The following SLC9C1 variants were observed in gnomAD, a reference collection of about 807,000 sequenced individuals.
SLC9C1 encodes sodium/hydrogen exchanger 10.
In SLC9C1, 97 loss-of-function variants were observed where a neutral mutation model predicts 140.9. The observed-to-expected ratio is 0.69, with a 90% CI of 0.58 to 0.82. The LOEUF (loss-of-function observed/expected upper bound fraction) is 0.82, where lower values mean the gene tolerates loss of function less well. Among genes scored for constraint, SLC9C1 ranks in the 40% least tolerant of loss-of-function variants. The pLI, the probability that SLC9C1 is intolerant of heterozygous loss-of-function variation, is 0.00. For synonymous variants in SLC9C1, 440 were observed against 442.6 expected (o/e 0.99, Z 0.07); for missense variants, 1,340 against 1,389.3 (o/e 0.96, Z 0.56).
chr3:112,289,548 C>T (rs554466577), intron 1 of SLC9C1, among the ~76,000 whole-genome samples: 1 of 152,218 alleles, frequency 6.6e-6, no homozygotes, highest in Admixed American at 6.5e-5. Context: ...ACCTTTGTGT[C>T]TCATTTTGCT....
chr3:112,242,614 T>C (rs946368196), intron 11 of SLC9C1, among the ~76,000 whole-genome samples: 1 of 152,128 alleles, frequency 6.6e-6, no homozygotes, highest in African/African-American at 2.4e-5. Context: ...TGGCATTTGA[T>C]AGCACGATAG....
chr3:112,209,857 C>T (rs1285939332), intron 15 of SLC9C1, among the ~76,000 whole-genome samples: 1 of 152,072 alleles, frequency 6.6e-6, no homozygotes, highest in African/African-American at 2.4e-5. Flanking sequence ...GTAAGACATT[C>T]CATGTTCATG....
chr3:112,189,051 C>A (rs1220459825), intron 20 of SLC9C1, among the ~76,000 whole-genome samples: 1 of 151,704 alleles, frequency 6.6e-6, no homozygotes, highest in Non-Finnish European at 1.5e-5. Flanking sequence ...CTGTTCATAT[C>A]CTTTGCCCAC....
chr3:112,172,833 G>T (rs2077270641), intron 23 of SLC9C1, among the ~76,000 whole-genome samples: 1 of 151,756 alleles, frequency 6.6e-6, no homozygotes, highest in African/African-American at 2.4e-5. Flanking sequence ...ATAATGTGTT[G>T]AATCACAATG....
chr3:112,174,855 G>A (rs2077307424), intron 23 of SLC9C1, among the ~76,000 whole-genome samples: 1 of 150,670 alleles, frequency 6.6e-6, no homozygotes, highest in Admixed American at 6.7e-5. Context: ...TTGTGCTGGA[G>A]TCCCAGGCCA....
chr3:112,288,670 C>G (rs2080590589), intron 1 of SLC9C1, among the ~76,000 whole-genome samples: 1 of 152,174 alleles, frequency 6.6e-6, no homozygotes, highest in Non-Finnish European at 1.5e-5. Flanking sequence ...GGTGGTGGGA[C>G]ATTGTTTTGA....
At chr3:112,159,102 G>C (rs1479566661) in intron 26 of SLC9C1, among the ~76,000 whole-genome samples, 1 of 151,020 alleles carries the variant, frequency 6.6e-6, no homozygotes, top group Non-Finnish European at 1.5e-5. Flanking sequence ...TTTTTTTTAA[G>C]AGTTTCTATT....
At chr3:112,237,687 A>G (rs1174989802) in intron 12 of SLC9C1, among the ~76,000 whole-genome samples, 1 of 152,102 alleles carries the variant, frequency 6.6e-6, no homozygotes, top group African/African-American at 2.4e-5. Flanking sequence ...GCTTGTCTGT[A>G]AAGGATTTTA....
chr3:112,293,135 G>C (rs1442978357), intron 1 of SLC9C1, among the ~76,000 whole-genome samples: 1 of 143,666 alleles, frequency 7.0e-6, no homozygotes, highest in African/African-American at 2.6e-5. Flanking sequence ...AAAAAAATTA[G>C]CCAGGTGTGG....
At chr3:112,279,556 G>A (rs2080305369) in intron 3 of SLC9C1, among the ~76,000 whole-genome samples, 1 of 152,180 alleles carries the variant, frequency 6.6e-6, no homozygotes, top group South Asian at 2.1e-4. Flanking sequence ...TCACAAAGGA[G>A]TAAGTGATTG....
chr3:112,164,502 T>G (rs2075405926), intron 26 of SLC9C1, among the ~76,000 whole-genome samples: 1 of 143,794 alleles, frequency 7.0e-6, no homozygotes, highest in Non-Finnish European at 1.5e-5. Flanking sequence ...TGCTTGTCTA[T>G]AAAGGATTTT....
In SLC9C1 at chr3:112,286,715, C is replaced by A; in HGVS notation, c.77G>T (p.Ser26Ile). 1.2e-6 allele frequency: 2 copies of A among 1,611,598 alleles called. No individual in the cohort carries two copies. The highest frequency in any genetic ancestry group is 2.2e-5 in the East Asian group (1 of 44,730). Reference sequence around the variant, plus strand: ...AGAGTGATACTTACCTCCAATGGAGCTGATCAAAGACAATGTTAGAATGAC... The same window carrying A: ...AGAGTGATACTTACCTCCAATGGAGATGATCAAAGACAATGTTAGAATGAC... ...PEVILTLSLI[S>I]SIGAFLNRHL... The change falls in exon 2 of 29, where the codon AGC (serine) becomes ATC (isoleucine). Residue 26 changes from serine to isoleucine, a missense_variant. Ser to Ile is a moderately radical substitution (Grantham distance 142). Coordinates refer to ENST00000305815, the MANE Select transcript of SLC9C1 (RefSeq NM_183061.3).
intron 23 of SLC9C1, among the ~76,000 whole-genome samples, chr3:112,172,507 G>T (rs913990868): frequency 6.6e-6 from 1 of 151,956 alleles, no homozygotes; most frequent in African/African-American, 2.4e-5. Context: ...GACAATTTTA[G>T]TGCTTTCTTT....
chr3:112,243,116 AT>A (rs1293771147), intron 11 of SLC9C1, among the ~76,000 whole-genome samples: 9 of 152,212 alleles, frequency 5.9e-5, no homozygotes, highest in Admixed American at 5.9e-4. Context: ...CAGTTTGGAG[AT>A]TTCTCAAATA....
intron 12 of SLC9C1, among the ~76,000 whole-genome samples, chr3:112,233,055 A>ATG (rs1346876155): frequency 1.1e-5 from 1 of 87,636 alleles, no homozygotes; most frequent in Non-Finnish European, 2.5e-5. Context: ...ACACACATAT[A>ATG]TATATATATA....
intron 26 of SLC9C1, among the ~76,000 whole-genome samples, chr3:112,162,123 A>G (rs1326884566): frequency 6.6e-6 from 1 of 152,072 alleles, no homozygotes; most frequent in African/African-American, 2.4e-5. Context: ...TTGATTTTGT[A>G]TCCTGAGACT....
At chr3:112,205,522 C>A (rs9876349) in intron 16 of SLC9C1, among the ~76,000 whole-genome samples, 1 of 88,042 alleles carries the variant, frequency 1.1e-5, no homozygotes, top group Non-Finnish European at 2.4e-5. Flanking sequence ...AAGCTACCAA[C>A]AACTTTCTTC....
At chr3:112,151,591 C>T (rs192014343) in intron 28 of SLC9C1, 12 of 525,824 alleles carry the variant, frequency 2.3e-5, no homozygotes, top group African/African-American at 1.7e-4. Flanking sequence ...TGAGAGCAGC[C>T]AGTGTTGCAT....
intron 26 of SLC9C1, among the ~76,000 whole-genome samples, chr3:112,161,524 G>C (rs1280173950): frequency 1.3e-5 from 2 of 152,174 alleles, no homozygotes; most frequent in Non-Finnish European, 2.9e-5. Context: ...TTATTAAATA[G>C]GGAATCCTTT....
Sources: gnomAD v4.1 joint callset for allele counts (sites outside exome capture counted in the v4.1 genomes callset) on GRCh38, gnomAD v4.1.1 for gene constraint, MANE v1.5 for transcripts, NCBI Gene and HGNC (gene_info 2026-07-23, HGNC 2026-07-21) for gene names.